Variants in TUB observed in about 807,000 individuals in gnomAD.
The protein encoded by TUB is TUB bipartite transcription factor, also known as tubby protein homolog.
In TUB, 33 loss-of-function variants were observed where a neutral mutation model predicts 59.7. That is an observed-to-expected ratio of 0.55 (90% CI 0.42 to 0.74). TUB has a LOEUF of 0.74. Among genes scored for constraint, TUB ranks in the 30% least tolerant of loss-of-function variants. The probability of loss-of-function intolerance (pLI) is 0.00; values close to 1 mark genes in which losing one functional copy is unlikely to be tolerated. For synonymous variants in TUB, 293 were observed against 256.4 expected, an observed-to-expected ratio of 1.14 and a Z score of -1.36; for missense variants, 659 against 672.0, an observed-to-expected ratio of 0.98 and a Z score of 0.21.
At chr11:8,052,038 G>A (rs141421779) in intron 2 of TUB, among the ~76,000 whole-genome samples, 480 of 152,238 alleles carry the variant, frequency 3.2e-3, no homozygotes, top group African/African-American at 0.011. Context: ...TCATTCTCAC[G>A]TCGATACCAC....
Position 8,102,534 on chromosome 11 carries a change from G to C in TUB, c.*915G>C, listed in dbSNP as rs1164773022. 3.9e-5 allele frequency: 6 copies of C among 152,238 alleles called. No homozygotes were observed. The East Asian group carries it at 1.2e-3, about 29-fold the overall frequency. The allele number at this position is 152,238 out of a possible 1,614,324, so 9.4% of individuals were successfully genotyped here. On this transcript the variant is annotated 3_prime_UTR_variant, in exon 12 of 12. Coordinates refer to ENST00000299506, the MANE Select transcript of TUB (RefSeq NM_177972.3). The stretch of plus-strand genomic sequence containing the variant: ...CACCAGCCTGACTGCACACAGCTAG[G>C]CATGCCTGGGAATCCTGCTGCCAGA...
chr11:8,033,790 C>A (rs560723363), upstream of TUB, among the ~76,000 whole-genome samples: 2 of 152,342 alleles, frequency 1.3e-5, no homozygotes, highest in East Asian at 3.9e-4. Context: ...TGTCAAGCTG[C>A]CTGAAGGAGA....
chr11:8,099,322 A>G (rs1331104685), intron 9 of TUB, among the ~76,000 whole-genome samples: 7 of 152,188 alleles, frequency 4.6e-5, no homozygotes, highest in African/African-American at 1.7e-4. Context: ...GATGTCACAC[A>G]GCTCAAAAAC....
chr11:8,038,505 C>A (rs1340799901), upstream of TUB: 7 of 648,372 alleles, frequency 1.1e-5, no homozygotes, highest in Admixed American at 5.6e-5. Flanking sequence ...CCAGATGGGG[C>A]CTTTGTCCGC....
rs141356854 is a variant in TUB, at chr11:8,023,503, C to T, written c.56+4145C>T. On this transcript the variant is annotated intron_variant, in intron 1 of 11. Coordinates refer to the TUB transcript ENST00000534099. The stretch of plus-strand genomic sequence containing the variant: ...GCTACACCCTGGTCTCAGTTATCAA[C>T]GCAATGCTTCTAACACAGAAATCTA... 7.4e-3 allele frequency among the ~76,000 whole-genome samples: 1,131 copies of T among 152,332 alleles called. 16 individuals carry two copies. Among genetic ancestry groups the T allele is most frequent in the African/African-American group, 0.025 (1,057 of 41,566 alleles).
chr11:8,076,040 A>G (rs1018959048), intron 2 of TUB: 1 of 152,054 alleles, frequency 6.6e-6, no homozygotes, highest in African/African-American at 2.4e-5. Flanking sequence ...AGCCGATCCT[A>G]TGGTTTCTTT....
chr11:8,021,776 C>T (rs566824863), intron 1 of TUB, among the ~76,000 whole-genome samples: 72 of 151,828 alleles, frequency 4.7e-4, no homozygotes, highest in Non-Finnish European at 7.9e-4. Context: ...ATTAGCTGGG[C>T]GTGGTGTCGG....
chr11:8,034,344 G>A (rs1258560623), upstream of TUB, among the ~76,000 whole-genome samples: 2 of 152,188 alleles, frequency 1.3e-5, no homozygotes, highest in African/African-American at 4.8e-5. Context: ...ATGGGTGGGA[G>A]TCCCTCACCC....
At chr11:8,023,795 C>T (rs538011457) in intron 1 of TUB, among the ~76,000 whole-genome samples, 5 of 152,322 alleles carry the variant, frequency 3.3e-5, no homozygotes, top group African/African-American at 1.2e-4. Flanking sequence ...AAATGACTGG[C>T]ACAAAGTGGG....
intron 1 of TUB, among the ~76,000 whole-genome samples, chr11:8,024,441 C>A (rs115492428): frequency 0.021 from 3,184 of 152,146 alleles, 140 homozygotes; most frequent in African/African-American, 0.072. Flanking sequence ...ACCTTCCGCA[C>A]TCTCAAGACC....
intron 1 of TUB, among the ~76,000 whole-genome samples, chr11:8,029,482 A>G (rs1312251946): frequency 6.8e-6 from 1 of 147,338 alleles, no homozygotes; most frequent in Non-Finnish European, 1.5e-5. Flanking sequence ...TCTGCCTCTC[A>G]GGTTCAGGTA....
At chr11:8,028,482 C>T (rs1300773533) in intron 1 of TUB, among the ~76,000 whole-genome samples, 1 of 152,168 alleles carries the variant, frequency 6.6e-6, no homozygotes, top group Non-Finnish European at 1.5e-5. Flanking sequence ...CTTATAGTGT[C>T]ATATCTAAGA....
chr11:8,030,664 A>G (rs1180991941), intron 1 of TUB, among the ~76,000 whole-genome samples: 1 of 152,190 alleles, frequency 6.6e-6, no homozygotes, highest in Non-Finnish European at 1.5e-5. Flanking sequence ...GCAGGTGAAC[A>G]ATGCTAGAGA....
intron 1 of TUB, among the ~76,000 whole-genome samples, chr11:8,087,456 G>A (rs920267992): frequency 1.3e-5 from 2 of 152,230 alleles, no homozygotes; most frequent in Non-Finnish European, 2.9e-5. Flanking sequence ...GCACTGTCTT[G>A]TGGAGGTTGC....
chr11:8,078,995 C>T (rs1943497281), upstream of TUB, among the ~76,000 whole-genome samples: 1 of 152,188 alleles, frequency 6.6e-6, no homozygotes, highest in African/African-American at 2.4e-5. Flanking sequence ...ACCTATGTAA[C>T]TTCTGCAGAA....
At chr11:8,078,356 G>A (rs1253067978), upstream of TUB, among the ~76,000 whole-genome samples, 5 of 152,160 alleles carry the variant, frequency 3.3e-5, no homozygotes, top group Non-Finnish European at 7.3e-5. Flanking sequence ...TTGCTGTGTG[G>A]TGGTGTTTCA....
chr11:8,054,878 A>G (rs931270323), intron 2 of TUB, among the ~76,000 whole-genome samples: 3 of 152,166 alleles, frequency 2.0e-5, no homozygotes, highest in African/African-American at 7.2e-5. Context: ...TGGTGCTTAC[A>G]TGGCTTATTC....
rs1944383012 is a variant in TUB, at chr11:8,103,243, G to A, written c.*1624G>A. 6.6e-6 allele frequency: 1 copy of A among 152,340 alleles called. No homozygotes were observed. Among genetic ancestry groups the A allele is most frequent in the Middle Eastern group, 3.4e-3 (1 of 294 alleles). The allele number at this position is 152,340 out of a possible 1,614,324, so 9.4% of individuals were successfully genotyped here. On this transcript the variant is annotated 3_prime_UTR_variant, in exon 12 of 12. Transcript: ENST00000299506. The stretch of plus-strand genomic sequence containing the variant: ...CTTGGATGGCACCATCCACCCTGCA[G>A]GCTTGGGAACTGTAAGCTCAAGCTT...
chr11:8,029,045 C>T (rs1237946154), intron 1 of TUB, among the ~76,000 whole-genome samples: 4 of 151,910 alleles, frequency 2.6e-5, no homozygotes, highest in Non-Finnish European at 1.5e-5. Flanking sequence ...AAAAACAAAC[C>T]CCAAAATTAG....
Sources: allele counts gnomAD v4.1 joint callset (sites outside exome capture counted in the v4.1 genomes callset), GRCh38; gene constraint gnomAD v4.1.1; transcripts MANE v1.5; gene names NCBI Gene and HGNC (gene_info 2026-07-23, HGNC 2026-07-21).